TMEM178B: variants seen among roughly 807,000 people sequenced by gnomAD.
TMEM178B encodes the protein transmembrane protein 178B.
Under a neutral mutation model 31.0 loss-of-function variants are expected in TMEM178B, and 5 were observed. The observed-to-expected ratio is 0.16, with a 90% CI of 0.08 to 0.34. The LOEUF (loss-of-function observed/expected upper bound fraction) is 0.34. Ranked by LOEUF, TMEM178B falls within the 10% of genes least tolerant of loss-of-function variation. The probability of loss-of-function intolerance (pLI) is 1.00; values close to 1 mark genes in which losing one functional copy is unlikely to be tolerated. For missense variants in TMEM178B, 275 were observed against 400.3 expected, an observed-to-expected ratio of 0.69 and a Z score of 2.67; for synonymous variants, 164 against 164.0, an observed-to-expected ratio of 1.00 and a Z score of 0.00.
chr7:141,268,727 G>C (rs1432559944), intron 2 of TMEM178B, among the ~76,000 whole-genome samples: 3 of 152,226 alleles, frequency 2.0e-5, no homozygotes, highest in Admixed American at 6.5e-5. Flanking sequence ...ATGGAACCTG[G>C]TTTTACCAGT....
chr7:141,126,527 C>G (rs201897658), intron 1 of TMEM178B, among the ~76,000 whole-genome samples: 8 of 152,204 alleles, frequency 5.3e-5, no homozygotes. Context: ...ATGTTACCCT[C>G]AAACCTGACC....
At chr7:141,079,346 G>A (rs1794647972) in intron 1 of TMEM178B, among the ~76,000 whole-genome samples, 3 of 152,164 alleles carry the variant, frequency 2.0e-5, no homozygotes, top group Non-Finnish European at 4.4e-5. Flanking sequence ...CAAATGTTCA[G>A]TAGCCGTATG....
chr7:141,338,541 G>T (rs1440339490), intron 2 of TMEM178B, among the ~76,000 whole-genome samples: 3 of 152,160 alleles, frequency 2.0e-5, no homozygotes, highest in Admixed American at 6.5e-5. Context: ...AAAGGCAGGG[G>T]TGATGTCTAT....
chr7:141,177,618 C>T (rs1796455075), intron 1 of TMEM178B, among the ~76,000 whole-genome samples: 1 of 152,144 alleles, frequency 6.6e-6, no homozygotes, highest in East Asian at 1.9e-4. Context: ...CTTTATGAAT[C>T]TGGGTGTTCC....
intron 2 of TMEM178B, among the ~76,000 whole-genome samples, chr7:141,301,462 A>AT (rs200314106): frequency 3.3e-5 from 5 of 150,600 alleles, no homozygotes; most frequent in Middle Eastern, 3.4e-3. Context: ...ATATTTGTAA[A>AT]TTTTTTTTTT....
chr7:141,254,813 G>A (rs4726433), intron 2 of TMEM178B, among the ~76,000 whole-genome samples: 123,204 of 152,192 alleles, frequency 0.81, 50,446 homozygotes, highest in East Asian at 0.99. Flanking sequence ...AGTGTACACA[G>A]TTCTTAGATA....
chr7:141,411,079 T>A (rs886863604), intron 2 of TMEM178B, among the ~76,000 whole-genome samples: 40 of 150,846 alleles, frequency 2.7e-4, no homozygotes, highest in African/African-American at 5.6e-4. Context: ...AAAAGAAAAA[T>A]TTTTAAAAAG....
At chr7:141,128,044 G>C (rs149204490) in intron 1 of TMEM178B, among the ~76,000 whole-genome samples, 1 of 152,108 alleles carries the variant, frequency 6.6e-6, no homozygotes, top group Non-Finnish European at 1.5e-5. Context: ...ATTTATTCCT[G>C]TATTGATAAG....
At chr7:141,183,206 G>C (rs1223232353) in intron 1 of TMEM178B, among the ~76,000 whole-genome samples, 2 of 152,148 alleles carry the variant, frequency 1.3e-5, no homozygotes, top group Non-Finnish European at 2.9e-5. Flanking sequence ...TTCCAGACCT[G>C]AACTCTTTCA....
chr7:141,464,118 G>A (rs4726453), intron 3 of TMEM178B, among the ~76,000 whole-genome samples: 44,918 of 151,986 alleles, frequency 0.3, 8,582 homozygotes, highest in Non-Finnish European at 0.43. Context: ...TGTTGTCTGC[G>A]AGCATGCCGT....
intron 2 of TMEM178B, among the ~76,000 whole-genome samples, chr7:141,274,360 C>G (rs1159667895): frequency 6.6e-6 from 1 of 152,172 alleles, no homozygotes; most frequent in Non-Finnish European, 1.5e-5. Context: ...TTCCAGACCC[C>G]TCCTCTGTGT....
intron 2 of TMEM178B, among the ~76,000 whole-genome samples, chr7:141,351,388 G>T (rs2116530040): frequency 6.6e-6 from 1 of 152,384 alleles, no homozygotes; most frequent in East Asian, 1.9e-4. Context: ...GGAACGGCTG[G>T]TCACTGCCTC....
At chr7:141,460,543 C>G (rs1405960120) in intron 3 of TMEM178B, among the ~76,000 whole-genome samples, 1 of 152,160 alleles carries the variant, frequency 6.6e-6, no homozygotes. Context: ...GTGTAAAAAC[C>G]AAGGGAGAAG....
At chr7:141,289,732 GAAAA>G (rs1328508707) in intron 2 of TMEM178B, among the ~76,000 whole-genome samples, 1 of 122,738 alleles carries the variant, frequency 8.1e-6, no homozygotes, top group Non-Finnish European at 1.7e-5. Flanking sequence ...AAAAAAAAAA[GAAAA>G]AAGAAAAAGA....
chr7:141,459,295 T>C (rs1802021625), intron 3 of TMEM178B, among the ~76,000 whole-genome samples: 1 of 152,216 alleles, frequency 6.6e-6, no homozygotes, highest in Non-Finnish European at 1.5e-5. Flanking sequence ...CCCAAAGTGC[T>C]GGGATTACAG....
chr7:141,403,706 T>TC (rs574613655), intron 2 of TMEM178B, among the ~76,000 whole-genome samples: 1 of 152,174 alleles, frequency 6.6e-6, no homozygotes, highest in East Asian at 1.9e-4. Flanking sequence ...TGGTACATGG[T>TC]CCCCCTCAAT....
chr7:141,481,167 AC>A (rs1022510861), downstream of TMEM178B, among the ~76,000 whole-genome samples: 2 of 151,982 alleles, frequency 1.3e-5, no homozygotes, highest in Non-Finnish European at 2.9e-5. Flanking sequence ...TTCTGCCGCC[AC>A]CTCCACCAGG....
intron 1 of TMEM178B, among the ~76,000 whole-genome samples, chr7:141,152,505 CAG>C (rs1414399834): frequency 6.6e-6 from 1 of 152,350 alleles, no homozygotes; most frequent in East Asian, 1.9e-4. Context: ...AACTTGAGGG[CAG>C]AGTGTGACCC....
chr7:141,250,916 T>G (rs1797821310), intron 2 of TMEM178B, among the ~76,000 whole-genome samples: 1 of 152,178 alleles, frequency 6.6e-6, no homozygotes, highest in African/African-American at 2.4e-5. Flanking sequence ...CTCTGTTCTC[T>G]TCCCACCTCG....
Sources: gnomAD v4.1 joint callset for allele counts (sites outside exome capture counted in the v4.1 genomes callset) on GRCh38, gnomAD v4.1.1 for gene constraint, MANE v1.5 for transcripts, NCBI Gene and HGNC (gene_info 2026-07-23, HGNC 2026-07-21) for gene names.